Variants in SCNN1G observed in about 807,000 individuals in gnomAD.
SCNN1G encodes sodium channel epithelial 1 subunit gamma.
In SCNN1G, 27 loss-of-function variants were observed where a neutral mutation model predicts 64.6. The ratio of observed to expected loss-of-function variants is 0.42; its 90% CI spans 0.31 to 0.58. The LOEUF (loss-of-function observed/expected upper bound fraction) is 0.58, where lower values mean the gene tolerates loss of function less well. Ranked by LOEUF, SCNN1G falls within the 20% of genes least tolerant of loss-of-function variation. The pLI is 0.18. For missense variants in SCNN1G, 743 were observed against 823.4 expected (o/e 0.90, Z 1.19); for synonymous variants, 330 against 314.2 (o/e 1.05, Z -0.53).
intron 1 of SCNN1G, among the ~76,000 whole-genome samples, chr16:23,184,309 C>T (rs1388974184): frequency 6.6e-6 from 1 of 152,142 alleles, no homozygotes; most frequent in Non-Finnish European, 1.5e-5. Context: ...TCCAGAATCA[C>T]AGCTTCTGTT....
chr16:23,184,501 A>G (rs1959573104), intron 1 of SCNN1G, among the ~76,000 whole-genome samples: 1 of 152,192 alleles, frequency 6.6e-6, no homozygotes, highest in African/African-American at 2.4e-5. Flanking sequence ...TGATAAAAAA[A>G]TAAATTATAT....
At chr16:23,209,386 A>G (rs938041578) in intron 6 of SCNN1G, among the ~76,000 whole-genome samples, 5 of 152,086 alleles carry the variant, frequency 3.3e-5, no homozygotes, top group East Asian at 3.8e-4. Context: ...TAATCACTCT[A>G]TGGGAAAAAC....
At chr16:23,183,159 C>T (rs566622559) in intron 1 of SCNN1G, among the ~76,000 whole-genome samples, 13 of 152,382 alleles carry the variant, frequency 8.5e-5, no homozygotes, top group Non-Finnish European at 1.8e-4. Flanking sequence ...CGCTACTGTT[C>T]CTTCTACCCT....
intron 1 of SCNN1G, among the ~76,000 whole-genome samples, chr16:23,184,967 C>T (rs1200654947): frequency 1.3e-5 from 2 of 152,172 alleles, no homozygotes; most frequent in Non-Finnish European, 2.9e-5. Context: ...GGGAAGTGGT[C>T]ATGTGCACTG....
intron 3 of SCNN1G, among the ~76,000 whole-genome samples, chr16:23,190,532 A>G (rs1959690282): frequency 6.6e-6 from 1 of 152,162 alleles, no homozygotes; most frequent in Non-Finnish European, 1.5e-5. Context: ...AAATATGTTC[A>G]GTTTTTGTTG....
At chr16:23,205,703 G>GA (rs150778285) in intron 6 of SCNN1G, among the ~76,000 whole-genome samples, 26,503 of 136,988 alleles carry the variant, frequency 0.19, 2,629 homozygotes, top group Middle Eastern at 0.28. Context: ...CCATCTCCAA[G>GA]AAAAAAAAAA....
chr16:23,204,558 A>G (rs1034575619), intron 6 of SCNN1G, among the ~76,000 whole-genome samples: 4 of 148,456 alleles, frequency 2.7e-5, no homozygotes, highest in African/African-American at 9.8e-5. Flanking sequence ...TACATTATAT[A>G]TAAAAGATAC....
intron 7 of SCNN1G, 129 bp from the exon 8 acceptor site, chr16:23,211,905 A>G: frequency 2.2e-5 from 17 of 766,904 alleles, no homozygotes; most frequent in South Asian, 2.2e-4. Context: ...CCCAGTTGGC[A>G]TAAGGGGCAG....
intron 4 of SCNN1G, among the ~76,000 whole-genome samples, chr16:23,193,113 A>G (rs1386347931): frequency 6.7e-6 from 1 of 149,124 alleles, no homozygotes; most frequent in Non-Finnish European, 1.5e-5. Context: ...CCCACAAGGT[A>G]TTAGATTGGC....
chr16:23,215,254 C>T lies in SCNN1G; in HGVS notation c.1735C>T (p.Pro579Ser). The change falls in exon 13 of 13, where the codon CCC becomes TCC. Residue 579 changes from proline (P) to serine (S), a missense_variant. By Grantham distance (74) the Pro-to-Ser change is moderately conservative. Coordinates refer to ENST00000300061, the MANE Select transcript of SCNN1G (RefSeq NM_001039.4). ...AKEWWAWKQAPPCPEAPRSPQ... is the reference protein window; with the variant it reads ...AKEWWAWKQASPCPEAPRSPQ... ...GGAGTGGTGGGCCTGGAAACAGGCT[C>T]CCCCATGTCCAGAAGCTCCCCGTAG... 1.2e-6 allele frequency: 2 copies of T among 1,614,128 alleles called. No homozygotes were observed. The highest frequency in any genetic ancestry group is 1.7e-6 in the Non-Finnish European group (2 of 1,180,020).
intron 12 of SCNN1G, 48 bp from the exon 13 acceptor site, chr16:23,215,041 A>G: frequency 1.9e-6 from 3 of 1,612,738 alleles, no homozygotes; most frequent in Middle Eastern, 1.7e-4. Flanking sequence ...TGTGAGGCCA[A>G]CTTGGGGGGA....
chr16:23,186,145 T>A (rs72646486), intron 1 of SCNN1G, 83 bp from the exon 2 acceptor site: 1 of 842,316 alleles, frequency 1.2e-6, no homozygotes, highest in African/African-American at 1.7e-5. Context: ...CATGGACTGG[T>A]GTTTCCCAGA....
At chr16:23,192,965 A>G (rs1959733562) in intron 4 of SCNN1G, among the ~76,000 whole-genome samples, 1 of 149,660 alleles carries the variant, frequency 6.7e-6, no homozygotes, top group African/African-American at 2.5e-5. Context: ...GCTATTCAGG[A>G]GACTGAGGCA....
chr16:23,192,823 C>T (rs561344254), intron 4 of SCNN1G, among the ~76,000 whole-genome samples: 56 of 152,050 alleles, frequency 3.7e-4, no homozygotes, highest in African/African-American at 1.2e-3. Flanking sequence ...AATCCCAGCA[C>T]TTTGGGAGGC....
chr16:23,200,315 C>T (rs1246618692), intron 6 of SCNN1G, among the ~76,000 whole-genome samples: 1 of 152,120 alleles, frequency 6.6e-6, no homozygotes, highest in Non-Finnish European at 1.5e-5. Flanking sequence ...CAGGTTCTTG[C>T]TCTGTCACCC....
intron 5 of SCNN1G, 56 bp from the exon 6 acceptor site, chr16:23,197,208 C>T: frequency 3.4e-6 from 5 of 1,480,030 alleles, no homozygotes; most frequent in Non-Finnish European, 4.7e-6. Flanking sequence ...AGGTGGTTTA[C>T]CCCCAGGAAA....
chr16:23,192,679 A>T, intron 4 of SCNN1G, 137 bp downstream of exon 4: 2 of 728,034 alleles, frequency 2.7e-6, no homozygotes, highest in South Asian at 1.5e-5. Context: ...CCTTTTGGAA[A>T]CTGCTTACAT....
intron 2 of SCNN1G, 52 bp downstream of exon 2, chr16:23,186,640 G>A (rs756488930): frequency 1.3e-6 from 2 of 1,501,844 alleles, no homozygotes; most frequent in South Asian, 1.1e-5. Flanking sequence ...CCCCCACAGA[G>A]GCCAAAGCCC....
At position 23,204,288 on chromosome 16, in the gene SCNN1G, CATATATATATATATATATATATATATAT is replaced by C. The variant is rs59288460; in HGVS notation, c.1078-5442_1078-5415del. 2.3e-3 allele frequency among the ~76,000 whole-genome samples: 33 copies of C among 14,174 alleles called. 2 individuals carry two copies. Among genetic ancestry groups the C allele is most frequent in the Admixed American group, 0.018 (12 of 678 alleles). The allele number at this position is 14,174 out of a possible 152,430, so 9.3% of individuals were successfully genotyped here. ...AGTGATACTCCATCACAAATATATA[CATATATATATATATATATATATATATAT>C]ATATATATATATATATATAGAGAGA... is the stretch of plus-strand genomic sequence containing the variant. On this transcript the variant is annotated intron_variant, in intron 6 of 12. Transcript: ENST00000300061.
Sources: gnomAD v4.1 joint callset for allele counts (sites outside exome capture counted in the v4.1 genomes callset) on GRCh38, gnomAD v4.1.1 for gene constraint, MANE v1.5 for transcripts, NCBI Gene and HGNC (gene_info 2026-07-23, HGNC 2026-07-21) for gene names.